NBEA: variants seen among roughly 807,000 people sequenced by gnomAD.
NBEA encodes the protein lysosomal-trafficking regulator 2.
Under a neutral mutation model 343.4 loss-of-function variants are expected in NBEA, and 44 were observed. The ratio of observed to expected loss-of-function variants is 0.13; its 90% CI spans 0.10 to 0.16. NBEA has a LOEUF of 0.16. Among genes scored for constraint, NBEA ranks in the 10% least tolerant of loss-of-function variants. NBEA has a pLI of 1.00. For synonymous variants in NBEA, 1,175 were observed against 1,238.7 expected, an observed-to-expected ratio of 0.95 and a Z score of 1.08; for missense variants, 2,555 against 3,631.3, an observed-to-expected ratio of 0.70 and a Z score of 7.62.
chr13:35,432,134 G>A (rs1172197064), intron 38 of NBEA, 135 bp from the exon 39 acceptor site: 4 of 534,804 alleles, frequency 7.5e-6, no homozygotes, highest in East Asian at 7.1e-5. Context: ...AAATACAAGT[G>A]TAAAATATAA....
At chr13:35,035,739 T>C (rs2062415695) in intron 1 of NBEA, among the ~76,000 whole-genome samples, 1 of 152,064 alleles carries the variant, frequency 6.6e-6, no homozygotes, top group Non-Finnish European at 1.5e-5. Flanking sequence ...TCTCACTTAA[T>C]TGACACCCTT....
intron 11 of NBEA, among the ~76,000 whole-genome samples, chr13:35,104,156 T>C (rs2065796844): frequency 6.6e-6 from 1 of 151,896 alleles, no homozygotes; most frequent in South Asian, 2.1e-4. Flanking sequence ...TCCCCCATTG[T>C]TTCCATCACT....
At chr13:35,631,431 C>CAAT (rs1484074509) in intron 49 of NBEA, among the ~76,000 whole-genome samples, 1 of 151,748 alleles carries the variant, frequency 6.6e-6, no homozygotes, top group African/African-American at 2.4e-5. Context: ...TTATTGAGCT[C>CAAT]AATACATTTA....
At chr13:35,321,921 C>G (rs2038176926) in intron 36 of NBEA, among the ~76,000 whole-genome samples, 1 of 152,180 alleles carries the variant, frequency 6.6e-6, no homozygotes, top group Non-Finnish European at 1.5e-5. Context: ...CTACTCAAGC[C>G]TCAGTAATGG....
intron 8 of NBEA, among the ~76,000 whole-genome samples, chr13:35,067,362 T>C (rs1237427318): frequency 6.6e-6 from 1 of 151,232 alleles, no homozygotes; most frequent in Non-Finnish European, 1.5e-5. Flanking sequence ...GAATGCATCA[T>C]ACTCTACTTA....
chr13:35,528,803 T>C (rs571368436), intron 41 of NBEA, among the ~76,000 whole-genome samples: 1 of 152,302 alleles, frequency 6.6e-6, no homozygotes, highest in African/African-American at 2.4e-5. Flanking sequence ...AACTAAGTCA[T>C]ATCTTCTTAT....
chr13:35,456,954 C>G (rs1214962240), intron 40 of NBEA, among the ~76,000 whole-genome samples: 1 of 150,606 alleles, frequency 6.6e-6, no homozygotes, highest in Non-Finnish European at 1.5e-5. Context: ...TTGCTGTTAG[C>G]AATAACAACA....
At chr13:34,945,403 A>C (rs1395439946) in intron 1 of NBEA, among the ~76,000 whole-genome samples, 1 of 152,122 alleles carries the variant, frequency 6.6e-6, no homozygotes, top group Non-Finnish European at 1.5e-5. Context: ...ATGTCATATG[A>C]AAATTTAAGT....
intron 31 of NBEA, 105 bp downstream of exon 31, chr13:35,196,407 A>G: frequency 9.3e-7 from 1 of 1,071,654 alleles, no homozygotes; most frequent in Non-Finnish European, 1.3e-6. Flanking sequence ...ATTAACGTAG[A>G]TTCTTATTAC....
chr13:34,998,005 T>G (rs942991098), intron 1 of NBEA, among the ~76,000 whole-genome samples: 1 of 152,160 alleles, frequency 6.6e-6, no homozygotes, highest in African/African-American at 2.4e-5. Context: ...AACTAACTAT[T>G]GGGCAAAATT....
At position 35,334,940 on chromosome 13, in the gene NBEA, C is replaced by T. The variant is rs144224925; in HGVS notation, c.5904-14168C>T. The stretch of plus-strand genomic sequence containing the variant: ...AAGAAATCATTGGCCTGACCAGTAT[C>T]CTGGAGATTTTCCCCAGTGTTTTCT... On this transcript the variant is annotated intron_variant, in intron 36 of 58. Coordinates refer to ENST00000379939, the MANE Select transcript of NBEA (RefSeq NM_001385012.1). Among the ~76,000 whole-genome samples, 488 of 152,168 alleles carry T rather than the reference C, an allele frequency of 3.2e-3. 3 individuals are homozygous for T. Among genetic ancestry groups the T allele is most frequent in the African/African-American group, 0.011 (470 of 41,524 alleles).
chr13:35,415,634 T>G, intron 38 of NBEA, among the ~76,000 whole-genome samples: 1 of 152,314 alleles, frequency 6.6e-6, no homozygotes, highest in East Asian at 1.9e-4. Context: ...TTGGTTACTG[T>G]AGCCTTGTAG....
intron 38 of NBEA, among the ~76,000 whole-genome samples, chr13:35,360,340 T>C (rs564010218): frequency 6.6e-6 from 1 of 152,158 alleles, no homozygotes; most frequent in African/African-American, 2.4e-5. Context: ...ACTGAAGGCA[T>C]GAAAGAACTT....
intron 13 of NBEA, among the ~76,000 whole-genome samples, chr13:35,116,867 T>G (rs2066518880): frequency 6.6e-6 from 1 of 152,098 alleles, no homozygotes; most frequent in Non-Finnish European, 1.5e-5. Flanking sequence ...TTTAATATTT[T>G]ATACTCATTT....
chr13:35,523,710 A>G (rs1354827712), intron 41 of NBEA, among the ~76,000 whole-genome samples: 1 of 152,146 alleles, frequency 6.6e-6, no homozygotes, highest in African/African-American at 2.4e-5. Flanking sequence ...CTTCTATATC[A>G]GTTATTATAG....
intron 38 of NBEA, among the ~76,000 whole-genome samples, chr13:35,418,689 T>G (rs1353669310): frequency 6.6e-6 from 1 of 152,082 alleles, no homozygotes; most frequent in Non-Finnish European, 1.5e-5. Flanking sequence ...CCAAATATAA[T>G]GGTGTTGGAA....
chr13:34,979,513 C>CT (rs2060286145), intron 1 of NBEA, among the ~76,000 whole-genome samples: 2 of 151,710 alleles, frequency 1.3e-5, no homozygotes, highest in South Asian at 2.1e-4. Flanking sequence ...GAGCAAGACT[C>CT]TGTCTCAAAG....
chr13:35,464,563 G>A (rs2047071727), intron 40 of NBEA, among the ~76,000 whole-genome samples: 1 of 152,142 alleles, frequency 6.6e-6, no homozygotes, highest in Non-Finnish European at 1.5e-5. Flanking sequence ...ATAGGAGGCA[G>A]CGTATATAAC....
intron 49 of NBEA, among the ~76,000 whole-genome samples, chr13:35,629,242 T>C (rs907938058): frequency 2.6e-5 from 4 of 152,200 alleles, no homozygotes; most frequent in African/African-American, 9.7e-5. Flanking sequence ...CTACCAGATA[T>C]CTGCCATCTG....
Sources: gnomAD v4.1 joint callset for allele counts (sites outside exome capture counted in the v4.1 genomes callset) on GRCh38, gnomAD v4.1.1 for gene constraint, MANE v1.5 for transcripts, NCBI Gene and HGNC (gene_info 2026-07-23, HGNC 2026-07-21) for gene names.